ZC3H12B: variants seen among roughly 807,000 people sequenced by gnomAD.
ZC3H12B encodes probable ribonuclease ZC3H12B.
Under a neutral mutation model 43.9 loss-of-function variants are expected in ZC3H12B, and 7 were observed. That is an observed-to-expected ratio of 0.16 (90% CI 0.09 to 0.30). ZC3H12B has a LOEUF of 0.30. Ranked by LOEUF, ZC3H12B falls within the 10% of genes least tolerant of loss-of-function variation. ZC3H12B has a pLI of 1.00. For missense variants in ZC3H12B, 475 were observed against 670.2 expected (o/e 0.71, Z 3.22); for synonymous variants, 222 against 241.7 (o/e 0.92, Z 0.76).
chrX:65,304,610 C>A, the ZC3H12B span, among the ~76,000 whole-genome samples: 29 of 90,966 alleles, frequency 3.2e-4, no homozygotes, highest in African/African-American at 1.7e-3. Context: ...AGCGACACTC[C>A]GTCTCAAAAA....
At chrX:65,086,181 G>A in the ZC3H12B span, among the ~76,000 whole-genome samples, 1 of 109,592 alleles carries the variant, frequency 9.1e-6, no homozygotes, top group South Asian at 4.0e-4. Flanking sequence ...CACTTTTGAA[G>A]ATTACACACA....
At chrX:65,107,979 C>T in the ZC3H12B span, among the ~76,000 whole-genome samples, 10 of 111,689 alleles carry the variant, frequency 9.0e-5, no homozygotes, top group Non-Finnish European at 1.5e-4. Context: ...ATACTGCAGG[C>T]AGTTGTAACC....
the ZC3H12B span, among the ~76,000 whole-genome samples, chrX:65,164,628 C>T: frequency 2.7e-5 from 3 of 111,583 alleles, no homozygotes; most frequent in Non-Finnish European, 5.6e-5. Flanking sequence ...TGGTTTTGTC[C>T]AGGAATGAGC....
At chrX:65,321,647 C>T in the ZC3H12B span, among the ~76,000 whole-genome samples, 1 of 109,768 alleles carries the variant, frequency 9.1e-6, no homozygotes, top group African/African-American at 3.3e-5. Flanking sequence ...GTGGAATCAA[C>T]CTAAATGCTC....
chrX:65,421,695 C>T (rs1279436569), intron 3 of ZC3H12B, among the ~76,000 whole-genome samples: 1 of 112,205 alleles, frequency 8.9e-6, no homozygotes, highest in African/African-American at 3.2e-5. Flanking sequence ...GGTGCGGTGG[C>T]TCACGCCTGT....
the ZC3H12B span, among the ~76,000 whole-genome samples, chrX:65,236,945 T>A: frequency 1.8e-5 from 2 of 111,944 alleles, no homozygotes; most frequent in Non-Finnish European, 3.8e-5. Context: ...TTTTGCTTAC[T>A]GTAGCCTTGG....
chrX:65,049,151 C>G, the ZC3H12B span, among the ~76,000 whole-genome samples: 1 of 111,171 alleles, frequency 9.0e-6, no homozygotes, highest in Non-Finnish European at 1.9e-5. Flanking sequence ...TGTTCCTTTG[C>G]TATGCAGAAG....
chrX:65,218,183 A>G, the ZC3H12B span, among the ~76,000 whole-genome samples: 2 of 112,461 alleles, frequency 1.8e-5, no homozygotes, highest in Non-Finnish European at 3.8e-5. Flanking sequence ...GAAGGAAGAA[A>G]GTGGCAGATA....
chrX:65,397,698 G>A (rs2066716999), intron 2 of ZC3H12B, among the ~76,000 whole-genome samples: 1 of 111,487 alleles, frequency 9.0e-6, no homozygotes, highest in South Asian at 3.7e-4. Flanking sequence ...AAACCTGAAA[G>A]CCTTTCTTCT....
At chrX:65,094,708 A>T in the ZC3H12B span, among the ~76,000 whole-genome samples, 1 of 112,530 alleles carries the variant, frequency 8.9e-6, no homozygotes, top group Non-Finnish European at 1.9e-5. Context: ...AGTTTCCATT[A>T]AAAATGTCCT....
the ZC3H12B span, among the ~76,000 whole-genome samples, chrX:65,091,746 T>C: frequency 1.7e-4 from 19 of 112,104 alleles, no homozygotes; most frequent in Admixed American, 1.6e-3. Flanking sequence ...AGTGTTCAAA[T>C]ACCGGTTTGT....
chrX:65,323,049 A>G, the ZC3H12B span, among the ~76,000 whole-genome samples: 2 of 111,362 alleles, frequency 1.8e-5, no homozygotes, highest in African/African-American at 6.5e-5. Context: ...GTGATTTTGT[A>G]TTTGGTATTT....
chrX:65,078,925 C>A, the ZC3H12B span, among the ~76,000 whole-genome samples: 11 of 110,574 alleles, frequency 9.9e-5, no homozygotes, highest in Admixed American at 9.5e-4. Context: ...AATTATTATT[C>A]ATTATAGTCA....
Position 65,429,830 on chromosome X carries a change from C to G in ZC3H12B, n.407+31126C>G, listed in dbSNP as rs571177453. 4.0e-4 allele frequency among the ~76,000 whole-genome samples: 45 copies of G among 112,249 alleles called. No homozygotes were observed. The South Asian group carries it at 0.016, about 41-fold the overall frequency. On this transcript the variant is annotated intron_variant and non_coding_transcript_variant, in intron 3 of 5. Coordinates refer to the ZC3H12B transcript ENST00000617377. ...GCCATAATCTCGTAAAGCAGCTCTG[C>G]TTCATTAGAGGGATCCCTTTCTCAT...
chrX:65,432,863 C>T (rs1251910634), intron 3 of ZC3H12B, among the ~76,000 whole-genome samples: 4 of 111,829 alleles, frequency 3.6e-5, no homozygotes, highest in African/African-American at 1.3e-4. Context: ...ACTTTTTGCT[C>T]CTATGTCCAA....
chrX:65,316,040 A>C, the ZC3H12B span, among the ~76,000 whole-genome samples: 1 of 111,921 alleles, frequency 8.9e-6, no homozygotes, highest in African/African-American at 3.2e-5. Flanking sequence ...GCAAGTAATA[A>C]CAGCAGAATT....
At chrX:65,310,614 A>C in the ZC3H12B span, among the ~76,000 whole-genome samples, 1 of 111,971 alleles carries the variant, frequency 8.9e-6, no homozygotes, top group Non-Finnish European at 1.9e-5. Flanking sequence ...TCAAGCTACC[A>C]ATGACTTTCT....
rs139021774 is a variant in ZC3H12B, at chrX:65,375,387, C to T, written n.295+6389C>T. 1.8e-3 allele frequency among the ~76,000 whole-genome samples: 201 copies of T among 112,037 alleles called. 1 individual carries two copies. Among genetic ancestry groups the T allele is most frequent in the African/African-American group, 6.1e-3 (187 of 30,845 alleles). On this transcript the variant is annotated intron_variant and non_coding_transcript_variant, in intron 2 of 5. Transcript: ENST00000617377. ...AGGACACAAGGACCACAACTCCTAG[C>T]TGAGTCCTAGTGCTATGCTAAGCAA...
the ZC3H12B span, among the ~76,000 whole-genome samples, chrX:65,158,800 G>T: frequency 5.4e-5 from 6 of 111,633 alleles, no homozygotes; most frequent in Admixed American, 3.8e-4. Context: ...GTCAATTTTG[G>T]CTTTTGTTGC....
Sources: allele counts gnomAD v4.1 joint callset (sites outside exome capture counted in the v4.1 genomes callset), GRCh38; gene constraint gnomAD v4.1.1; transcripts MANE v1.5; gene names NCBI Gene and HGNC (gene_info 2026-07-23, HGNC 2026-07-21).